The following TANC2 variants were observed in gnomAD, a reference collection of about 807,000 sequenced individuals.
The protein encoded by TANC2 is protein TANC2.
TANC2 carries 26 observed loss-of-function variants against 210.5 expected under a neutral mutation model. That is an observed-to-expected ratio of 0.12 (90% CI 0.09 to 0.17). TANC2 has a LOEUF of 0.17. Ranked by LOEUF, TANC2 falls within the 10% of genes least tolerant of loss-of-function variation. The probability of loss-of-function intolerance (pLI) is 1.00; values close to 1 mark genes in which losing one functional copy is unlikely to be tolerated. For synonymous variants in TANC2, 931 were observed against 967.1 expected (o/e 0.96, Z 0.69); for missense variants, 2,129 against 2,608.9 (o/e 0.82, Z 4.01).
intron 1 of TANC2, among the ~76,000 whole-genome samples, chr17:62,991,941 A>G (rs1232009608): frequency 7.9e-5 from 12 of 152,132 alleles, no homozygotes; most frequent in Admixed American, 7.9e-4. Flanking sequence ...GTTTCATGCC[A>G]GGTTTGACCC....
chr17:63,219,750 A>T (rs1341559933), intron 7 of TANC2, among the ~76,000 whole-genome samples: 2 of 152,190 alleles, frequency 1.3e-5, no homozygotes, highest in African/African-American at 4.8e-5. Flanking sequence ...CTAGCACTGT[A>T]TACCTATGTA....
chr17:63,083,609 CAT>C (rs2144736253), intron 3 of TANC2, among the ~76,000 whole-genome samples: 1 of 152,292 alleles, frequency 6.6e-6, no homozygotes, highest in African/African-American at 2.4e-5. Context: ...AAGGAAAAAA[CAT>C]AGTAAACTCA....
At chr17:63,221,471 G>A (rs978774903) in intron 7 of TANC2, among the ~76,000 whole-genome samples, 21 of 148,154 alleles carry the variant, frequency 1.4e-4, no homozygotes, top group Non-Finnish European at 2.4e-4. Context: ...GAAAGAAAAT[G>A]AAAAGGGAAA....
chr17:63,264,395 C>A (rs140494744), intron 8 of TANC2, among the ~76,000 whole-genome samples: 14 of 152,208 alleles, frequency 9.2e-5, no homozygotes, highest in African/African-American at 3.4e-4. Flanking sequence ...TTGCTCCAGG[C>A]ATGTTTTGGG....
chr17:63,027,785 T>C (rs2034614444), intron 2 of TANC2, among the ~76,000 whole-genome samples: 1 of 151,968 alleles, frequency 6.6e-6, no homozygotes, highest in South Asian at 2.1e-4. Context: ...CATAGACTCT[T>C]TGTCCTCAAG....
intron 4 of TANC2, among the ~76,000 whole-genome samples, chr17:63,140,558 G>C (rs540815697): frequency 6.6e-6 from 1 of 152,248 alleles, no homozygotes; most frequent in South Asian, 2.1e-4. Context: ...GCTCAAACTA[G>C]TCTTCTAAAC....
At position 63,427,584 on chromosome 17, in the gene TANC2, G is replaced by A. The variant is rs1400440372; in HGVS notation, c.*5629G>A. 4 of 152,258 alleles carry A rather than the reference G, an allele frequency of 2.6e-5. No homozygotes were observed. The East Asian group carries it at 7.7e-4, about 29-fold the overall frequency. 9.4% of individuals were successfully genotyped at this position (152,258 alleles called of 1,614,324 possible). A position where few individuals can be genotyped will look rare whatever the true frequency, so the allele number is the denominator to read the frequency against. ...CTGTACATGTGAGCTGTGTGAGATA[G>A]ATGTGAAAAGTTCAAATGAATGCAT... is the stretch of plus-strand genomic sequence containing the variant. On this transcript the variant is annotated 3_prime_UTR_variant, in exon 28 of 28. Transcript: ENST00000689528.
At chr17:63,066,900 G>T (rs1309717139) in intron 2 of TANC2, among the ~76,000 whole-genome samples, 11 of 152,082 alleles carry the variant, frequency 7.2e-5, no homozygotes, top group Non-Finnish European at 4.4e-5. Context: ...GCTGTGAGGG[G>T]CACCTCAAAG....
At chr17:63,086,232 G>A (rs1163278013) in intron 3 of TANC2, among the ~76,000 whole-genome samples, 1 of 152,002 alleles carries the variant, frequency 6.6e-6, no homozygotes, top group Non-Finnish European at 1.5e-5. Context: ...TTATCCTGCT[G>A]GGAGTACTCG....
chr17:63,048,216 A>G (rs2035451470), intron 2 of TANC2, among the ~76,000 whole-genome samples: 1 of 152,174 alleles, frequency 6.6e-6, no homozygotes, highest in South Asian at 2.1e-4. Context: ...GTTCTGTTAA[A>G]TGCCAAGGTA....
At chr17:63,278,346 A>G (rs537750072) in intron 9 of TANC2, among the ~76,000 whole-genome samples, 2 of 152,336 alleles carry the variant, frequency 1.3e-5, no homozygotes, top group African/African-American at 2.4e-5. Flanking sequence ...AAGAAGACAT[A>G]CAAATAGCCA....
At chr17:63,362,387 C>T (rs1404523532) in intron 14 of TANC2, among the ~76,000 whole-genome samples, 5 of 152,210 alleles carry the variant, frequency 3.3e-5, no homozygotes, top group Admixed American at 3.3e-4. Flanking sequence ...ACAGCCCAGC[C>T]CCCATGCTTC....
intron 7 of TANC2, among the ~76,000 whole-genome samples, chr17:63,233,233 G>T (rs184540290): frequency 3.4e-5 from 5 of 145,972 alleles, no homozygotes; most frequent in Non-Finnish European, 4.4e-5. Flanking sequence ...GAACTCGGTA[G>T]TCTTAGGCAG....
At chr17:63,264,207 C>T (rs1289813210) in intron 8 of TANC2, among the ~76,000 whole-genome samples, 3 of 152,112 alleles carry the variant, frequency 2.0e-5, no homozygotes, top group Non-Finnish European at 4.4e-5. Flanking sequence ...TACTAATATA[C>T]CATTAGTTAA....
intron 4 of TANC2, among the ~76,000 whole-genome samples, chr17:63,147,619 A>G (rs890727954): frequency 6.6e-6 from 1 of 152,162 alleles, no homozygotes; most frequent in Admixed American, 6.5e-5. Context: ...GTGAGGCCTG[A>G]TCATTTGCAT....
At chr17:63,019,310 T>C (rs2143972539) in intron 2 of TANC2, among the ~76,000 whole-genome samples, 1 of 151,974 alleles carries the variant, frequency 6.6e-6, no homozygotes, top group South Asian at 2.1e-4. Context: ...CTCTGCCTCC[T>C]GGGTTCAAAC....
intron 21 of TANC2, 109 bp from the exon 22 acceptor site, chr17:63,411,402 T>C: frequency 9.2e-7 from 1 of 1,086,062 alleles, no homozygotes; most frequent in Non-Finnish European, 1.3e-6. Flanking sequence ...ATGGAAATAG[T>C]CCAGAAACGA....
At chr17:62,981,918 G>A (rs1263735353) in intron 1 of TANC2, among the ~76,000 whole-genome samples, 2 of 152,172 alleles carry the variant, frequency 1.3e-5, no homozygotes, top group East Asian at 1.9e-4. Context: ...TGAAGCTTCT[G>A]ATGTCTTCTC....
At chr17:63,070,306 T>C (rs1388333575) in intron 2 of TANC2, among the ~76,000 whole-genome samples, 1 of 152,204 alleles carries the variant, frequency 6.6e-6, no homozygotes, top group African/African-American at 2.4e-5. Flanking sequence ...AAGATTGAGA[T>C]GTAACATGTA....
Sources: allele counts gnomAD v4.1 joint callset (sites outside exome capture counted in the v4.1 genomes callset), GRCh38; gene constraint gnomAD v4.1.1; transcripts MANE v1.5; gene names NCBI Gene and HGNC (gene_info 2026-07-23, HGNC 2026-07-21).